Variants in ADAMTS17 observed in about 807,000 individuals in gnomAD.
ADAMTS17 encodes ADAM metallopeptidase with thrombospondin type 1 motif 17.
ADAMTS17 carries 113 observed loss-of-function variants against 141.5 expected under a neutral mutation model. That is an observed-to-expected ratio of 0.80 (90% CI 0.69 to 0.93). The LOEUF (loss-of-function observed/expected upper bound fraction) is 0.93. ADAMTS17 is among the 40% of genes least tolerant of loss of function. The probability of loss-of-function intolerance (pLI) is 0.00; values close to 1 mark genes in which losing one functional copy is unlikely to be tolerated. For missense variants in ADAMTS17, 1,659 were observed against 1,517.9 expected (o/e 1.09, Z -1.54); for synonymous variants, 768 against 630.6 (o/e 1.22, Z -3.27).
At chr15:100,149,178 C>T (rs559677764) in intron 10 of ADAMTS17, among the ~76,000 whole-genome samples, 6 of 152,368 alleles carry the variant, frequency 3.9e-5, no homozygotes, top group Non-Finnish European at 7.3e-5. Context: ...ACAGCAGGGC[C>T]TGGAGCCCTG....
At chr15:100,195,633 AAAAG>A (rs897622050) in intron 8 of ADAMTS17, among the ~76,000 whole-genome samples, 3 of 150,156 alleles carry the variant, frequency 2.0e-5, no homozygotes, top group East Asian at 2.0e-4. Flanking sequence ...AAAAAAAAAA[AAAAG>A]AAGCTGTCAA....
At chr15:100,071,991 G>T (rs2034003810) in intron 15 of ADAMTS17, among the ~76,000 whole-genome samples, 1 of 150,234 alleles carries the variant, frequency 6.7e-6, no homozygotes, top group East Asian at 1.9e-4. Flanking sequence ...TGACATGACT[G>T]TATATCTAGA....
chr15:100,267,356 TTTTG>T (rs1312762189), intron 4 of ADAMTS17, among the ~76,000 whole-genome samples: 2 of 152,300 alleles, frequency 1.3e-5, no homozygotes, highest in East Asian at 3.9e-4. Context: ...ACACCCCACG[TTTTG>T]TTTATCTGCC....
At chr15:99,977,381 TATATATATATATATATATAA>T (rs1182787018) in intron 20 of ADAMTS17, among the ~76,000 whole-genome samples, 7,431 of 27,434 alleles carry the variant, frequency 0.27, 1,815 homozygotes, top group Non-Finnish European at 0.34. Flanking sequence ...TATATATATA[TATATATATATATATATATAA>T]TTTTTTTTTT....
At chr15:100,065,116 T>A (rs1024003609) in intron 15 of ADAMTS17, among the ~76,000 whole-genome samples, 13 of 152,144 alleles carry the variant, frequency 8.5e-5, no homozygotes, top group African/African-American at 2.9e-4. Flanking sequence ...TATACAAAAG[T>A]TCAAACAACA....
intron 5 of ADAMTS17, 141 bp from the exon 6 acceptor site, chr15:100,261,777 C>T: frequency 3.2e-6 from 3 of 942,444 alleles, no homozygotes; most frequent in Non-Finnish European, 5.0e-6. Flanking sequence ...GAAGAAAAGC[C>T]TGATGCTAGT....
intron 10 of ADAMTS17, among the ~76,000 whole-genome samples, chr15:100,146,030 G>A (rs2038886428): frequency 6.6e-6 from 1 of 152,172 alleles, no homozygotes; most frequent in Non-Finnish European, 1.5e-5. Flanking sequence ...AAAATTAGCT[G>A]GGTGTGGTGG....
intron 17 of ADAMTS17, 118 bp from the exon 18 acceptor site, chr15:100,049,110 G>A: frequency 3.4e-6 from 5 of 1,458,148 alleles, no homozygotes; most frequent in East Asian, 2.3e-5. Flanking sequence ...GTCATTTAAA[G>A]TGACTGCTGT....
At chr15:100,252,374 G>A (rs1048501087) in intron 7 of ADAMTS17, among the ~76,000 whole-genome samples, 4 of 152,178 alleles carry the variant, frequency 2.6e-5, no homozygotes, top group African/African-American at 9.7e-5. Context: ...AGGTGCTGAA[G>A]GACACACAGC....
At position 100,172,365 on chromosome 15, in the gene ADAMTS17, G is replaced by A. The variant is rs529468933; in HGVS notation, c.1182-17045C>T. ...AAATTTTTCTTCAAAGAATCAGTAC[G>A]TTAATATGTTCAGTTCTTTGTCCTC... is the stretch of plus-strand genomic sequence containing the variant. On this transcript the variant is annotated intron_variant, in intron 8 of 21. Coordinates refer to ENST00000268070, the MANE Select transcript of ADAMTS17 (RefSeq NM_139057.4). Among the ~76,000 whole-genome samples, 10 of 152,264 alleles carry A rather than the reference G, an allele frequency of 6.6e-5. No homozygotes were observed. The East Asian group carries it at 1.2e-3, about 18-fold the overall frequency.
At chr15:100,001,994 CAAAAAAA>C (rs71151931) in intron 18 of ADAMTS17, among the ~76,000 whole-genome samples, 5 of 58,384 alleles carry the variant, frequency 8.6e-5, no homozygotes, top group Admixed American at 2.7e-4. Context: ...AGGCCAAACC[CAAAAAAA>C]AAAAAAAAAA....
intron 7 of ADAMTS17, among the ~76,000 whole-genome samples, chr15:100,206,731 G>A (rs1235652354): frequency 2.0e-5 from 3 of 152,162 alleles, no homozygotes; most frequent in African/African-American, 7.2e-5. Context: ...CATGGGGTCA[G>A]ATATCCCCAA....
chr15:100,265,716 G>A (rs1007219905), intron 4 of ADAMTS17, among the ~76,000 whole-genome samples: 11 of 152,168 alleles, frequency 7.2e-5, no homozygotes, highest in Admixed American at 4.6e-4. Context: ...GCCACACAGG[G>A]ACCTGTGGGT....
At chr15:100,025,409 C>A (rs1444808628) in intron 18 of ADAMTS17, among the ~76,000 whole-genome samples, 1 of 141,794 alleles carries the variant, frequency 7.1e-6, no homozygotes, top group East Asian at 2.0e-4. Flanking sequence ...CTCTTCTTTT[C>A]TTTTCTTTTT....
chr15:100,217,580 T>C (rs1169509197), intron 7 of ADAMTS17, among the ~76,000 whole-genome samples: 1 of 152,092 alleles, frequency 6.6e-6, no homozygotes, highest in Non-Finnish European at 1.5e-5. Context: ...GCCTGGGGCG[T>C]CAGAGCAAGA....
intron 3 of ADAMTS17, among the ~76,000 whole-genome samples, chr15:100,281,607 G>C (rs2044287038): frequency 6.6e-6 from 1 of 152,200 alleles, no homozygotes; most frequent in African/African-American, 2.4e-5. Context: ...AAGGGTAACA[G>C]CTATGAGGCC....
At chr15:99,986,151 G>C (rs572131699) in intron 20 of ADAMTS17, among the ~76,000 whole-genome samples, 4 of 152,392 alleles carry the variant, frequency 2.6e-5, no homozygotes, top group Non-Finnish European at 5.9e-5. Context: ...AGGCCTTGCA[G>C]GGTGGGGCAG....
chr15:100,260,622 A>AAAACC (rs1473122534), intron 6 of ADAMTS17, among the ~76,000 whole-genome samples: 1 of 151,536 alleles, frequency 6.6e-6, no homozygotes, highest in Non-Finnish European at 1.5e-5. Flanking sequence ...CTCAAAAAAA[A>AAAACC]AAAAACCAAA....
chr15:100,174,468 C>T (rs1009909427), intron 8 of ADAMTS17, among the ~76,000 whole-genome samples: 1 of 150,330 alleles, frequency 6.7e-6, no homozygotes, highest in Non-Finnish European at 1.5e-5. Flanking sequence ...GTTTTTCTAA[C>T]ACCAAGGGCT....
Sources: gnomAD v4.1 joint callset for allele counts (sites outside exome capture counted in the v4.1 genomes callset) on GRCh38, gnomAD v4.1.1 for gene constraint, MANE v1.5 for transcripts, NCBI Gene and HGNC (gene_info 2026-07-23, HGNC 2026-07-21) for gene names.